The following ZFYVE26 variants were observed in gnomAD, a reference collection of about 807,000 sequenced individuals.
ZFYVE26 encodes zinc finger FYVE-type containing 26, also known as zinc finger FYVE domain-containing protein 26.
In ZFYVE26, 181 loss-of-function variants were observed where a neutral mutation model predicts 276.5. The observed-to-expected ratio is 0.65, with a 90% CI of 0.58 to 0.74. ZFYVE26 has a LOEUF of 0.74. Ranked by LOEUF, ZFYVE26 falls within the 30% of genes least tolerant of loss-of-function variation. The probability of loss-of-function intolerance (pLI) is 0.00; values close to 1 mark genes in which losing one functional copy is unlikely to be tolerated. For synonymous variants in ZFYVE26, 1,129 were observed against 1,203.1 expected, an observed-to-expected ratio of 0.94 and a Z score of 1.27; for missense variants, 2,821 against 3,097.9, an observed-to-expected ratio of 0.91 and a Z score of 2.12.
At chr14:67,778,050 T>G in intron 24 of ZFYVE26, 76 bp downstream of exon 24, 2 of 1,596,414 alleles carry the variant, frequency 1.3e-6, no homozygotes, top group Admixed American at 1.7e-5. Context: ...GGATTCAACA[T>G]GAAAATAAAG....
At position 67,805,508 on chromosome 14, in the gene ZFYVE26, G is replaced by T. The variant is rs557782295; in HGVS notation, c.1128C>A (p.His376Gln). The T allele has an allele frequency of 1.2e-6, 2 of 1,614,226 alleles. No individual in the cohort carries two copies. Among genetic ancestry groups the T allele is most frequent in the Admixed American group, 3.3e-5 (2 of 60,028 alleles). Residue 376 changes from histidine to glutamine, a missense_variant, in exon 7 of 42, where the codon CAC becomes CAA. By Grantham distance (24) the His-to-Gln change is conservative (BLOSUM62 0). Transcript: ENST00000347230. ...TCTTGGCTGACTCTAGGCTCTGGCA[G>T]TGTGTCCAGCCCAGGAGTACAAGCA... ...SCLLVLLGWTHCQSLESAKRL... is the reference protein window; with the variant it reads ...SCLLVLLGWTQCQSLESAKRL...
Position 67,798,522 on chromosome 14 carries a change from T to A in ZFYVE26, c.1740A>T (p.Ser580=), listed in dbSNP as rs985545374. Residue 580 remains serine (S), a synonymous_variant, in exon 11 of 42, where the codon TCA becomes TCT. Transcript: ENST00000347230. ...GATCAGCAGAGGTGATGAGAAGCAA[T>A]GAGAAGATGTTTTCCAGAAGCTCCA... ...LCLELLENIF[S]LLLITSADLH... 2 of 1,613,810 alleles carry A rather than the reference T, an allele frequency of 1.2e-6. No homozygotes were observed. Among genetic ancestry groups the A allele is most frequent in the East Asian group, 4.5e-5 (2 of 44,882 alleles).
intron 8 of ZFYVE26, 64 bp downstream of exon 8, chr14:67,805,153 A>T: frequency 6.6e-7 from 1 of 1,512,842 alleles, no homozygotes; most frequent in East Asian, 2.3e-5. Flanking sequence ...AAATGGCCAC[A>T]CATGCGGAGC....
chr14:67,766,306 T>C lies in ZFYVE26; in HGVS notation c.5932A>G (p.Ile1978Val), dbSNP rs756556433. The C allele has an allele frequency of 2.4e-5, 39 of 1,613,686 alleles. No individual in the cohort carries two copies. The highest frequency in any genetic ancestry group is 3.2e-5 in the Non-Finnish European group (38 of 1,180,042). ...GCGCTGAACAGCAGCTGCTTCATGA[T>C]GTCCGTGAGCAGCCCGGCATCCACC... ...PEVDAGLLTD[I>V]MKQLLFSAKM... The change falls in exon 32 of 42, where the codon ATC becomes GTC. Residue 1978 changes from isoleucine (I) to valine (V), a missense_variant. By Grantham distance (29) the Ile-to-Val change is conservative (BLOSUM62 3). Coordinates refer to ENST00000347230, the MANE Select transcript of ZFYVE26 (RefSeq NM_015346.4).
chr14:67,739,382 T>C (rs796725546), intron 13 of ZFYVE26, among the ~76,000 whole-genome samples: 2 of 152,218 alleles, frequency 1.3e-5, no homozygotes, highest in South Asian at 4.1e-4. Context: ...ACTGGAGCTG[T>C]GCTCCCTTGG....
At position 67,806,812 on chromosome 14, in the gene ZFYVE26, G is replaced by T. The variant is rs549593887; in HGVS notation, c.887-137C>A. 13 of 995,782 alleles carry T rather than the reference G, an allele frequency of 1.3e-5. No homozygotes were observed. The South Asian group carries it at 1.8e-4, about 14-fold the overall frequency. The allele number at this position is 995,782 out of a possible 1,614,324, so 61.7% of individuals were successfully genotyped here. On this transcript the variant is annotated intron_variant, in intron 5 of 41. Coordinates refer to ENST00000347230, the MANE Select transcript of ZFYVE26 (RefSeq NM_015346.4). ...TGGGTTTTCCATACTTTATCTTAGG[G>T]TATCTTAAAGAATCTTTACTTCCCT...
At chr14:67,736,270 T>C (rs1304327108) in intron 13 of ZFYVE26, among the ~76,000 whole-genome samples, 2 of 152,250 alleles carry the variant, frequency 1.3e-5, no homozygotes, top group African/African-American at 2.4e-5. Flanking sequence ...AAATGCTCAC[T>C]GTGAAGCATT....
intron 40 of ZFYVE26, among the ~76,000 whole-genome samples, chr14:67,752,013 C>T (rs771275897): frequency 1.7e-4 from 26 of 152,170 alleles, no homozygotes; most frequent in Non-Finnish European, 2.6e-4. Flanking sequence ...AGGACAATTC[C>T]GCAGATAACA....
At chr14:67,762,052 T>C in intron 34 of ZFYVE26, 151 bp downstream of exon 34, 1 of 742,070 alleles carries the variant, frequency 1.3e-6, no homozygotes. Flanking sequence ...CTTATCTAAC[T>C]ATATGTGATG....
At chr14:67,730,906 A>C (rs2038262317) in intron 13 of ZFYVE26, among the ~76,000 whole-genome samples, 1 of 152,014 alleles carries the variant, frequency 6.6e-6, no homozygotes, top group Non-Finnish European at 1.5e-5. Context: ...GCCCAGCCCC[A>C]AGCATTTCTG....
chr14:67,757,190 C>T (rs909576173), intron 35 of ZFYVE26, among the ~76,000 whole-genome samples: 4 of 152,172 alleles, frequency 2.6e-5, no homozygotes, highest in African/African-American at 9.7e-5. Context: ...GGTCTATCAG[C>T]TTCCATTCTT....
At chr14:67,798,644 A>T in intron 10 of ZFYVE26, 22 bp from the exon 11 acceptor site, 2 of 1,613,456 alleles carry the variant, frequency 1.2e-6, no homozygotes, top group East Asian at 4.5e-5. Context: ...TGTACAAGAG[A>T]AGAGGCCAGA....
At chr14:67,807,328 T>C in intron 5 of ZFYVE26, 70 bp downstream of exon 5, 1 of 1,605,314 alleles carries the variant, frequency 6.2e-7, no homozygotes, top group Non-Finnish European at 8.5e-7. Flanking sequence ...GGCAGCAGTC[T>C]AGAGCCTCCA....
Position 67,802,124 on chromosome 14 carries a change from G to T in ZFYVE26, c.1594C>A (p.Leu532Met). Residue 532 changes from leucine to methionine, a missense_variant, in exon 10 of 42, where the codon CTG becomes ATG. By Grantham distance (15) the Leu-to-Met change is conservative. Transcript: ENST00000347230. ...QDCKDSLSED[L>M]ASATEPANDS... ...TTCGCTGGCTCTGTAGCTGAGGCCA[G>T]GTCCTCAGAGAGGCTGTCTTTGCAG... 1 of 1,613,884 alleles carries T rather than the reference G, an allele frequency of 6.2e-7. No individual in the cohort carries two copies. The highest frequency in any genetic ancestry group is 1.1e-5 in the South Asian group (1 of 91,060).
At chr14:67,742,838 C>CTTCTTTTTTTTTTTTT (rs769663149), downstream of ZFYVE26, among the ~76,000 whole-genome samples, 16 of 89,756 alleles carry the variant, frequency 1.8e-4, no homozygotes, top group Admixed American at 2.5e-4. Context: ...TCTTCTTCTT[C>CTTCTTTTTTTTTTTTT]TTTTTTTTTT....
chr14:67,761,232 G>T (rs1429613691), intron 35 of ZFYVE26, 134 bp downstream of exon 35: 1 of 844,686 alleles, frequency 1.2e-6, no homozygotes, highest in Admixed American at 2.0e-5. Context: ...GTTTTGACTT[G>T]ACTCTGCTAG....
intron 15 of ZFYVE26, 132 bp downstream of exon 15, chr14:67,790,439 GT>G (rs1475155634): frequency 5.0e-6 from 5 of 1,001,492 alleles, no homozygotes; most frequent in Non-Finnish European, 7.6e-6. Context: ...CAGGTTTGCT[GT>G]TTTTCAAGGC....
At chr14:67,778,408 T>A (rs948506941) in intron 23 of ZFYVE26, 160 bp from the exon 24 acceptor site, 3 of 868,502 alleles carry the variant, frequency 3.5e-6, no homozygotes. Flanking sequence ...ATCACTTTCC[T>A]CTTAGCACTA....
At chr14:67,758,922 A>C (rs182998297) in intron 35 of ZFYVE26, among the ~76,000 whole-genome samples, 303 of 152,260 alleles carry the variant, frequency 2.0e-3, no homozygotes, top group Non-Finnish European at 3.0e-3. Flanking sequence ...GGTGTGAGCC[A>C]CTGCTCCCAA....
Sources: allele counts gnomAD v4.1 joint callset (sites outside exome capture counted in the v4.1 genomes callset), GRCh38; gene constraint gnomAD v4.1.1; transcripts MANE v1.5; gene names NCBI Gene and HGNC (gene_info 2026-07-23, HGNC 2026-07-21).